Variants in SNCAIP observed in about 807,000 individuals in gnomAD.
The protein encoded by SNCAIP is synuclein alpha interacting protein, also known as synphilin-1.
SNCAIP carries 43 observed loss-of-function variants against 86.7 expected under a neutral mutation model. The observed-to-expected ratio is 0.50, with a 90% CI of 0.39 to 0.64. The LOEUF (loss-of-function observed/expected upper bound fraction) is 0.64. Among genes scored for constraint, SNCAIP ranks in the 30% least tolerant of loss-of-function variants. The pLI is 0.00. For missense variants in SNCAIP, 981 were observed against 1,103.1 expected, an observed-to-expected ratio of 0.89 and a Z score of 1.57; for synonymous variants, 417 against 427.2, an observed-to-expected ratio of 0.98 and a Z score of 0.29.
At chr5:122,333,607 G>A (rs1755822322) in intron 1 of SNCAIP, among the ~76,000 whole-genome samples, 1 of 152,086 alleles carries the variant, frequency 6.6e-6, no homozygotes, top group African/African-American at 2.4e-5. Flanking sequence ...GAAAAGCAGT[G>A]GTCTCTTTCA....
intron 1 of SNCAIP, among the ~76,000 whole-genome samples, chr5:122,337,137 G>A (rs1337581431): frequency 1.3e-5 from 2 of 152,118 alleles, no homozygotes; most frequent in Non-Finnish European, 2.9e-5. Flanking sequence ...GGATTAACAT[G>A]GGAAAAGGGA....
At position 122,450,520 on chromosome 5, in the gene SNCAIP, A is replaced by G. The variant is rs769123471; in HGVS notation, c.1686-13A>G. 4.3e-5 allele frequency: 69 copies of G among 1,591,190 alleles called. No homozygotes were observed. The highest frequency in any genetic ancestry group is 5.4e-5 in the African/African-American group (4 of 74,454). ...TAGGAAATCATCTCATATGTCCTTCATCTTCTTTTTAGTTCACCATCCTCA... is the reference window on the plus strand; with the variant it reads ...TAGGAAATCATCTCATATGTCCTTCGTCTTCTTTTTAGTTCACCATCCTCA... On this transcript the variant is annotated splice_polypyrimidine_tract_variant and intron_variant, in intron 9 of 10. Transcript: ENST00000261368.
intron 1 of SNCAIP, among the ~76,000 whole-genome samples, chr5:122,369,231 G>A (rs754491032): frequency 2.0e-5 from 3 of 152,162 alleles, no homozygotes. Context: ...TGTGAAGTTT[G>A]TTTATGTTAG....
chr5:122,406,139 C>G (rs1246252429), intron 3 of SNCAIP, among the ~76,000 whole-genome samples: 1 of 152,176 alleles, frequency 6.6e-6, no homozygotes, highest in Non-Finnish European at 1.5e-5. Flanking sequence ...CACAGCATCA[C>G]TGTAGAATTA....
At chr5:122,389,274 T>C (rs950900151) in intron 1 of SNCAIP, 42 of 152,220 alleles carry the variant, frequency 2.8e-4, no homozygotes, top group African/African-American at 1.0e-3. Context: ...CATCTCCCCA[T>C]ATTTCCATGT....
chr5:122,395,676 G>A lies in SNCAIP; in HGVS notation c.57+4485G>A, dbSNP rs553691496. Among the ~76,000 whole-genome samples, 9 of 152,130 alleles carry A rather than the reference G, an allele frequency of 5.9e-5. No individual in the cohort carries two copies. In the South Asian group the frequency reaches 1.9e-3, roughly 32 times the overall value. On this transcript the variant is annotated intron_variant, in intron 2 of 10. Transcript: ENST00000261368. Reference sequence around the variant, plus strand: ...TTACTAAAAATGCCTGCCCCCTTCTGTTTTGTGTGCATCACCTTTTCCTCC... The same window carrying A: ...TTACTAAAAATGCCTGCCCCCTTCTATTTTGTGTGCATCACCTTTTCCTCC...
At chr5:122,406,728 C>A (rs1429837910) in intron 3 of SNCAIP, among the ~76,000 whole-genome samples, 1 of 152,180 alleles carries the variant, frequency 6.6e-6, no homozygotes, top group Non-Finnish European at 1.5e-5. Context: ...TAATTGGAAG[C>A]TTCCTGAGGC....
chr5:122,352,023 A>G (rs1010119351), intron 1 of SNCAIP, among the ~76,000 whole-genome samples: 4 of 152,224 alleles, frequency 2.6e-5, no homozygotes, highest in African/African-American at 9.7e-5. Context: ...ATCAGCAAAG[A>G]GCAATTTTCA....
In SNCAIP at chr5:122,338,641, C is replaced by T. The variant is rs186324948; in HGVS notation, c.-47+26357C>T. Among the ~76,000 whole-genome samples the T allele has an allele frequency of 2.4e-3, 371 of 152,230 alleles. 2 individuals carry two copies. Among genetic ancestry groups the T allele is most frequent in the Non-Finnish European group, 3.0e-3 (202 of 68,014 alleles). On this transcript the variant is annotated intron_variant, in intron 1 of 10. Transcript: ENST00000261368. ...CAAATTAAGGATGCCTTTAAGTTCT[C>T]TTTTATTGACTATATGAAATCAAAA...
At chr5:122,463,405 T>C in intron 10 of SNCAIP, 86 bp from the exon 11 acceptor site, 1 of 800,210 alleles carries the variant, frequency 1.2e-6, no homozygotes, top group Non-Finnish European at 2.2e-6. Context: ...ATAATTTCCA[T>C]TTTTTGGTGA....
In SNCAIP at chr5:122,449,951, A is replaced by G; in HGVS notation, c.1685+14A>G. 5 of 1,553,874 alleles carry G rather than the reference A, an allele frequency of 3.2e-6. No individual in the cohort carries two copies. Among genetic ancestry groups the G allele is most frequent in the Non-Finnish European group, 4.4e-6 (5 of 1,125,112 alleles). On this transcript the variant is annotated intron_variant, in intron 9 of 10. Coordinates refer to ENST00000261368, the MANE Select transcript of SNCAIP (RefSeq NM_005460.4). Reference sequence around the variant, plus strand: ...TTCTTCACCCAGGTAATACCAGCACATTGTTGTTTAGCATTCTTAAGTATC... The same window carrying G: ...TTCTTCACCCAGGTAATACCAGCACGTTGTTGTTTAGCATTCTTAAGTATC...
chr5:122,462,103 C>A (rs891837224), intron 10 of SNCAIP, among the ~76,000 whole-genome samples: 2 of 152,146 alleles, frequency 1.3e-5, no homozygotes, highest in Admixed American at 6.5e-5. Context: ...TTATCTGACA[C>A]GTTGGAGGAC....
chr5:122,401,004 A>C, intron 2 of SNCAIP: 1 of 1,550,216 alleles, frequency 6.5e-7, no homozygotes, highest in Non-Finnish European at 8.7e-7. Flanking sequence ...GAGTCAAGGG[A>C]ACAGGCTACA....
chr5:122,398,698 G>C (rs12719304), intron 2 of SNCAIP, among the ~76,000 whole-genome samples: 30,692 of 152,052 alleles, frequency 0.2, 3,797 homozygotes, highest in Non-Finnish European at 0.28. Context: ...AGCTTGCAAA[G>C]GTGCTTGGGA....
In SNCAIP at chr5:122,422,863, A is replaced by G. The variant is rs772672980; in HGVS notation, c.131-5A>G. 1.2e-6 allele frequency: 2 copies of G among 1,613,100 alleles called. No homozygotes were observed. Among genetic ancestry groups the G allele is most frequent in the Non-Finnish European group, 1.7e-6 (2 of 1,179,078 alleles). ...TAGCTTTCTATTTTAATTTTTTAAA[A>G]ACAGTTTCTAGCTCTAGCTGGAATT... On this transcript the variant is annotated splice_region_variant and splice_polypyrimidine_tract_variant and intron_variant, in intron 3 of 10. Coordinates refer to ENST00000261368, the MANE Select transcript of SNCAIP (RefSeq NM_005460.4).
At chr5:122,382,867 C>G (rs1767193702) in intron 1 of SNCAIP, among the ~76,000 whole-genome samples, 1 of 152,234 alleles carries the variant, frequency 6.6e-6, no homozygotes, top group African/African-American at 2.4e-5. Context: ...GGTCAGGGGT[C>G]AGGGACCCAC....
At chr5:122,314,626 G>T (rs1173569938) in intron 1 of SNCAIP, among the ~76,000 whole-genome samples, 1 of 152,142 alleles carries the variant, frequency 6.6e-6, no homozygotes, top group Non-Finnish European at 1.5e-5. Context: ...CTTGCAGGAA[G>T]TTATTTATGG....
At chr5:122,336,078 G>A (rs1355926268) in intron 1 of SNCAIP, among the ~76,000 whole-genome samples, 1 of 151,822 alleles carries the variant, frequency 6.6e-6, no homozygotes, top group African/African-American at 2.4e-5. Context: ...TATTACAGAG[G>A]GAGGCCTTCT....
intron 1 of SNCAIP, among the ~76,000 whole-genome samples, chr5:122,351,179 G>A (rs569519637): frequency 2.6e-5 from 4 of 151,962 alleles, no homozygotes; most frequent in South Asian, 2.1e-4. Flanking sequence ...ATATCTTCTC[G>A]TTTTATTTTA....
Sources: allele counts gnomAD v4.1 joint callset (sites outside exome capture counted in the v4.1 genomes callset), GRCh38; gene constraint gnomAD v4.1.1; transcripts MANE v1.5; gene names NCBI Gene and HGNC (gene_info 2026-07-23, HGNC 2026-07-21).